CRB1: variants seen among roughly 807,000 people sequenced by gnomAD.
CRB1 encodes the protein crumbs cell polarity complex component 1.
A neutral mutation model predicts 120.0 loss-of-function variants in CRB1; 83 were observed. That is an observed-to-expected ratio of 0.69 (90% CI 0.58 to 0.83). CRB1 has a LOEUF of 0.83. Ranked by LOEUF, CRB1 falls within the 40% of genes least tolerant of loss-of-function variation. CRB1 has a pLI of 0.00. For missense variants in CRB1, 1,699 were observed against 1,687.6 expected (o/e 1.01, Z -0.12); for synonymous variants, 625 against 612.5 (o/e 1.02, Z -0.30).
intron 11 of CRB1, among the ~76,000 whole-genome samples, chr1:197,449,411 G>A (rs1345852983): frequency 6.6e-6 from 1 of 152,040 alleles, no homozygotes; most frequent in African/African-American, 2.4e-5. Context: ...CTGTCGCCCA[G>A]GCTGGAGTGC....
chr1:197,356,801 T>C (rs926600073), intron 4 of CRB1, 30 bp from the exon 5 acceptor site: 2 of 1,612,824 alleles, frequency 1.2e-6, no homozygotes, highest in Non-Finnish European at 1.7e-6. Flanking sequence ...ACCTTTGACT[T>C]AGCAGCTTCT....
intron 11 of CRB1, among the ~76,000 whole-genome samples, chr1:197,462,884 A>C (rs966299449): frequency 5.7e-4 from 23 of 40,682 alleles, no homozygotes; most frequent in Admixed American, 5.0e-3. Flanking sequence ...TAGCCAATGC[A>C]GATCTTTTTT....
At chr1:197,291,209 A>G (rs1440759917) in intron 1 of CRB1, among the ~76,000 whole-genome samples, 1 of 151,838 alleles carries the variant, frequency 6.6e-6, no homozygotes, top group African/African-American at 2.4e-5. Context: ...GTCTTTAAAA[A>G]CTTCATTTAA....
chr1:197,376,976 G>A (rs1296134561), intron 5 of CRB1, among the ~76,000 whole-genome samples: 1 of 151,940 alleles, frequency 6.6e-6, no homozygotes, highest in African/African-American at 2.4e-5. Context: ...TCTGCCTTAG[G>A]GGTTTTACAT....
chr1:197,391,618 G>A (rs117502152), intron 5 of CRB1, among the ~76,000 whole-genome samples: 1 of 152,052 alleles, frequency 6.6e-6, no homozygotes, highest in Non-Finnish European at 1.5e-5. Context: ...CTTTACTTCT[G>A]ATAGTTGCAT....
the CRB1 span, among the ~76,000 whole-genome samples, chr1:197,230,097 C>G: frequency 6.6e-6 from 1 of 152,182 alleles, no homozygotes; most frequent in Non-Finnish European, 1.5e-5. Context: ...TAATGTTTTG[C>G]AGCTGAGAGA....
chr1:197,321,719 T>C (rs932109374), intron 1 of CRB1, among the ~76,000 whole-genome samples: 2 of 152,190 alleles, frequency 1.3e-5, no homozygotes, highest in Non-Finnish European at 2.9e-5. Context: ...AAGAACACTT[T>C]AGGTTGCATA....
chr1:197,355,119 A>G (rs1344266395), intron 4 of CRB1, among the ~76,000 whole-genome samples: 1 of 151,792 alleles, frequency 6.6e-6, no homozygotes, highest in Non-Finnish European at 1.5e-5. Flanking sequence ...TGATGTGTTT[A>G]CAAACCTTAA....
intron 5 of CRB1, among the ~76,000 whole-genome samples, chr1:197,359,764 T>C (rs902673812): frequency 6.6e-6 from 1 of 152,202 alleles, no homozygotes; most frequent in Non-Finnish European, 1.5e-5. Flanking sequence ...GCATTTAATG[T>C]TATCACTGTT....
chr1:197,439,117 GTTC>G (rs1558142063), intron 10 of CRB1: 1 of 170,746 alleles, frequency 5.9e-6, no homozygotes, highest in African/African-American at 2.4e-5. Context: ...CTCTTCAACT[GTTC>G]TTCACCTCAT....
chr1:197,339,553 G>A (rs996804177), intron 2 of CRB1, among the ~76,000 whole-genome samples: 3 of 152,136 alleles, frequency 2.0e-5, no homozygotes, highest in Non-Finnish European at 4.4e-5. Flanking sequence ...TTTCCAAAGC[G>A]TGGACTCTGC....
intron 1 of CRB1, among the ~76,000 whole-genome samples, chr1:197,294,928 G>A (rs1292872082): frequency 6.6e-6 from 1 of 152,052 alleles, no homozygotes; most frequent in African/African-American, 2.4e-5. Flanking sequence ...AGAGGGGAGG[G>A]ATAGCATTAG....
chr1:197,233,521 A>C, the CRB1 span, among the ~76,000 whole-genome samples: 3 of 152,172 alleles, frequency 2.0e-5, no homozygotes, highest in East Asian at 1.9e-4. Flanking sequence ...TCAGCTGTTC[A>C]AGGTGATTTA....
intron 1 of CRB1, among the ~76,000 whole-genome samples, chr1:197,305,835 T>C (rs1428516912): frequency 6.7e-6 from 1 of 149,150 alleles, no homozygotes; most frequent in African/African-American, 2.5e-5. Flanking sequence ...AAGAATGTAA[T>C]ACAGAAAGAT....
chr1:197,288,796 AG>A (rs1418308079), intron 1 of CRB1, among the ~76,000 whole-genome samples: 2 of 151,796 alleles, frequency 1.3e-5, no homozygotes, highest in African/African-American at 2.4e-5. Context: ...AAGAGAAAAA[AG>A]GATTAGAAAA....
intron 5 of CRB1, among the ~76,000 whole-genome samples, chr1:197,394,747 T>A (rs1383619278): frequency 2.0e-5 from 3 of 152,112 alleles, no homozygotes; most frequent in African/African-American, 7.2e-5. Flanking sequence ...ACAGGGACAC[T>A]ATTTCTGTTT....
intron 11 of CRB1, among the ~76,000 whole-genome samples, chr1:197,460,857 A>C (rs955863074): frequency 2.0e-5 from 3 of 152,190 alleles, no homozygotes; most frequent in Non-Finnish European, 4.4e-5. Flanking sequence ...CATAGTTTAC[A>C]AAAACACAAG....
At chr1:197,256,151 C>G in the CRB1 span, among the ~76,000 whole-genome samples, 5 of 151,112 alleles carry the variant, frequency 3.3e-5, no homozygotes, top group East Asian at 7.8e-4. Flanking sequence ...ACAACCAGCC[C>G]TCAGTCATCA....
Position 197,268,426 on chromosome 1 carries a change from A to G in CRB1, c.14A>G (p.Asn5Ser), listed in dbSNP as rs139427846. The stretch of plus-strand genomic sequence containing the variant: ...CTAAATAAGACCATGGCACTTAAGA[A>G]CATTAACTACCTTCTCATCTTCTAC... Reference protein sequence around the residue: MALKNINYLLIFYLS... With the variant: MALKSINYLLIFYLS... Residue 5 changes from asparagine (N) to serine (S), a missense_variant, in exon 1 of 12, where the codon AAC (asparagine) becomes AGC (serine). Coordinates refer to ENST00000367400, the MANE Select transcript of CRB1 (RefSeq NM_201253.3). 7.4e-6 allele frequency: 12 copies of G among 1,612,070 alleles called. No homozygotes were observed. Among genetic ancestry groups the G allele is most frequent in the African/African-American group, 5.3e-5 (4 of 74,838 alleles).
Sources: allele counts gnomAD v4.1 joint callset (sites outside exome capture counted in the v4.1 genomes callset), GRCh38; gene constraint gnomAD v4.1.1; transcripts MANE v1.5; gene names NCBI Gene and HGNC (gene_info 2026-07-23, HGNC 2026-07-21).